The following PRDM1 variants were observed in gnomAD, a reference collection of about 807,000 sequenced individuals.
The protein encoded by PRDM1 is PR/SET domain 1.
PRDM1 carries 13 observed loss-of-function variants against 62.8 expected under a neutral mutation model. The observed-to-expected ratio is 0.21, with a 90% confidence interval of 0.13 to 0.33. The LOEUF (loss-of-function observed/expected upper bound fraction) is 0.33, where lower values mean the gene tolerates loss of function less well. Among genes scored for constraint, PRDM1 ranks in the 10% least tolerant of loss-of-function variants. The pLI, the probability that PRDM1 is intolerant of heterozygous loss-of-function variation, is 1.00. For missense variants in PRDM1, 895 were observed against 1,058.8 expected (o/e 0.85, Z 2.15); for synonymous variants, 396 against 417.6 (o/e 0.95, Z 0.63).
rs79004884 is a variant in PRDM1 at position 106,007,571 on chromosome 6, A to G, written c.-67+13932A>G. On this transcript the variant is annotated intron_variant, in intron 1 of 6. Transcript: ENST00000652320. ...TAAAGATGGGGGTATTGACAACTCGAAAGTTACATTCATAACTAATATTCT... is the reference window on the plus strand; with the variant it reads ...TAAAGATGGGGGTATTGACAACTCGGAAGTTACATTCATAACTAATATTCT... Among the ~76,000 whole-genome samples, 1,131 of 152,356 alleles carry G rather than the reference A, an allele frequency of 7.4e-3. 13 individuals carry two copies. The highest frequency in any genetic ancestry group is 0.026 in the African/African-American group (1,071 of 41,588).
intron 3 of PRDM1, among the ~76,000 whole-genome samples, chr6:106,097,877 G>C (rs1774154482): frequency 6.6e-6 from 1 of 152,146 alleles, no homozygotes; most frequent in South Asian, 2.1e-4. Flanking sequence ...CTTGATAGCA[G>C]AATTCACCCA....
chr6:106,056,578 G>A (rs1773271039), intron 1 of PRDM1, among the ~76,000 whole-genome samples: 1 of 152,146 alleles, frequency 6.6e-6, no homozygotes, highest in Non-Finnish European at 1.5e-5. Flanking sequence ...GAAGGAAGTA[G>A]GTTTGAGTCT....
upstream of PRDM1, among the ~76,000 whole-genome samples, chr6:106,085,186 GTGTA>G (rs1773767928): frequency 6.6e-6 from 1 of 152,114 alleles, no homozygotes; most frequent in Non-Finnish European, 1.5e-5. Context: ...AACTGGGTGT[GTGTA>G]TGTGGGTGTG....
chr6:106,079,355 C>T (rs920847284), intron 1 of PRDM1, among the ~76,000 whole-genome samples: 1 of 152,192 alleles, frequency 6.6e-6, no homozygotes, highest in African/African-American at 2.4e-5. Context: ...GCACCCAGTA[C>T]CCAGTTCAAC....
intron 2 of PRDM1, among the ~76,000 whole-genome samples, chr6:106,089,509 T>C (rs540276049): frequency 3.9e-5 from 6 of 152,238 alleles, no homozygotes; most frequent in Non-Finnish European, 8.8e-5. Flanking sequence ...CTTTCCTGTT[T>C]GTGTGTCTGA....
chr6:106,001,554 A>T (rs902034121), intron 1 of PRDM1, among the ~76,000 whole-genome samples: 2 of 152,192 alleles, frequency 1.3e-5, no homozygotes, highest in Admixed American at 6.5e-5. Flanking sequence ...TTACTCTACC[A>T]AGTGGATAAC....
At chr6:106,096,685 C>T (rs12175062) in intron 3 of PRDM1, among the ~76,000 whole-genome samples, 14,305 of 152,164 alleles carry the variant, frequency 0.094, 837 homozygotes, top group East Asian at 0.23. Context: ...AGTACAATTT[C>T]CTTTGCTATA....
intron 1 of PRDM1, among the ~76,000 whole-genome samples, chr6:106,053,447 TA>T (rs927565821): frequency 7.9e-5 from 12 of 152,232 alleles, no homozygotes; most frequent in African/African-American, 2.6e-4. Flanking sequence ...TTTATAGTTT[TA>T]AAAAGAAAAA....
At chr6:106,013,732 A>C (rs1772584775) in intron 1 of PRDM1, among the ~76,000 whole-genome samples, 1 of 152,152 alleles carries the variant, frequency 6.6e-6, no homozygotes, top group African/African-American at 2.4e-5. Flanking sequence ...GTACCAGTAG[A>C]GATTCCGCTG....
chr6:106,106,297 T>A lies in PRDM1; in HGVS notation c.1774-74T>A, dbSNP rs1456045800. 6.4e-7 allele frequency: 1 copy of A among 1,566,700 alleles called. No individual in the cohort carries two copies. The highest frequency in any genetic ancestry group is 1.4e-5 in the African/African-American group (1 of 73,572). ...TTCTTAAGATATTTGCATCAACACT[T>A]GAGTCTTGGAGCAGAAATGTTAGGT... On this transcript the variant is annotated intron_variant, in intron 5 of 6. Transcript: ENST00000369096. This position sits in a 1 kb window ranked among gnomAD's most constrained non-coding sequence, Gnocchi z 4.4.
At chr6:106,039,397 A>G (rs1772962777) in intron 1 of PRDM1, among the ~76,000 whole-genome samples, 1 of 152,242 alleles carries the variant, frequency 6.6e-6, no homozygotes, top group African/African-American at 2.4e-5. Context: ...TTCATCTAAG[A>G]GAAAAGTGAC....
upstream of PRDM1, among the ~76,000 whole-genome samples, chr6:106,045,079 T>A (rs1773052802): frequency 6.6e-6 from 1 of 152,218 alleles, no homozygotes; most frequent in Admixed American, 6.5e-5. Context: ...TTAAGTGATT[T>A]TTTCAACTTT....
chr6:106,095,362 A>G (rs1345773462), intron 2 of PRDM1, among the ~76,000 whole-genome samples: 3 of 152,190 alleles, frequency 2.0e-5, no homozygotes, highest in African/African-American at 7.2e-5. Context: ...AAGATCCCGT[A>G]TTACCAGACA....
At position 106,106,219 on chromosome 6, in the gene PRDM1, AC is replaced by A; in HGVS notation, c.1774-151del. ...TGTGATTTTTGTGCTTTTAAGAAAA[AC>A]ACCATTCTGAAAACATGAAGATTTC... On this transcript the variant is annotated intron_variant, in intron 5 of 6. Transcript: ENST00000369096. The surrounding 1 kb of genome is among the most constrained non-coding windows in gnomAD (Gnocchi z 4.4). 1 of 1,296,232 alleles carries A rather than the reference AC, an allele frequency of 7.7e-7. No homozygotes were observed. Among genetic ancestry groups the A allele is most frequent in the Non-Finnish European group, 1.1e-6 (1 of 949,136 alleles). 80.3% of individuals were successfully genotyped at this position (1,296,232 alleles called of 1,614,324 possible).
chr6:106,005,829 T>C (rs1772474541), intron 1 of PRDM1, among the ~76,000 whole-genome samples: 1 of 152,236 alleles, frequency 6.6e-6, no homozygotes, highest in Non-Finnish European at 1.5e-5. Context: ...ATGATTCTGC[T>C]TCATGTTCTT....
chr6:106,076,709 T>G (rs1277558353), intron 1 of PRDM1, among the ~76,000 whole-genome samples: 1 of 152,252 alleles, frequency 6.6e-6, no homozygotes, highest in East Asian at 1.9e-4. Context: ...ATGGATTATA[T>G]GCAAAATGGT....
intron 1 of PRDM1, among the ~76,000 whole-genome samples, chr6:106,024,239 C>T (rs755930583): frequency 1.3e-5 from 2 of 152,154 alleles, no homozygotes; most frequent in Non-Finnish European, 2.9e-5. Flanking sequence ...CATGGTCCTA[C>T]GGCTGTCTGC....
chr6:106,010,250 C>G (rs1214109762), intron 1 of PRDM1, among the ~76,000 whole-genome samples: 1 of 152,180 alleles, frequency 6.6e-6, no homozygotes, highest in African/African-American at 2.4e-5. Context: ...CCTTTACTTA[C>G]TTGTTTATCC....
chr6:106,104,704 T>G, intron 4 of PRDM1, 121 bp from the exon 5 acceptor site: 1 of 1,248,730 alleles, frequency 8.0e-7, no homozygotes, highest in East Asian at 2.3e-5. Flanking sequence ...GGAAGCCAGA[T>G]ATGTGGCGAT....
Sources: gnomAD v4.1 joint callset for allele counts (sites outside exome capture counted in the v4.1 genomes callset) on GRCh38, gnomAD v4.1.1 for gene constraint, Gnocchi (gnomAD v3.1) non-coding constraint, MANE v1.5 for transcripts, NCBI Gene and HGNC (gene_info 2026-07-23, HGNC 2026-07-21) for gene names.